DNAH12: variants seen among roughly 807,000 people sequenced by gnomAD.
DNAH12 encodes dynein axonemal heavy chain 12.
Under a neutral mutation model 371.5 loss-of-function variants are expected in DNAH12, and 285 were observed. The ratio of observed to expected loss-of-function variants is 0.77; its 90% CI spans 0.70 to 0.85. DNAH12 has a LOEUF of 0.85. Ranked by LOEUF, DNAH12 falls within the 40% of genes least tolerant of loss-of-function variation. The pLI is 0.00. For missense variants in DNAH12, 3,611 were observed against 3,689.4 expected (o/e 0.98, Z 0.55); for synonymous variants, 1,200 against 1,213.0 (o/e 0.99, Z 0.22).
upstream of DNAH12, among the ~76,000 whole-genome samples, chr3:57,545,413 C>T (rs1328349111): frequency 1.3e-5 from 2 of 151,866 alleles, no homozygotes; most frequent in Non-Finnish European, 2.9e-5. Context: ...CCCACCTCGG[C>T]CTCCCAAAAT....
At chr3:57,550,642 A>C in the DNAH12 span, among the ~76,000 whole-genome samples, 1 of 151,890 alleles carries the variant, frequency 6.6e-6, no homozygotes, top group Non-Finnish European at 1.5e-5. Flanking sequence ...CTTCCCAAGC[A>C]GCTGGGACTA....
At chr3:57,489,397 A>C (rs1331567710) in intron 12 of DNAH12, 112 bp downstream of exon 12, 2 of 1,159,072 alleles carry the variant, frequency 1.7e-6, no homozygotes, top group African/African-American at 3.3e-5. Context: ...GCTATGGAGA[A>C]AAAGTTGTAC....
At position 57,461,512 on chromosome 3, in the gene DNAH12, T is replaced by G. The variant is rs1399538952; in HGVS notation, c.2713A>C (p.Lys905Gln). 5 of 1,551,242 alleles carry G rather than the reference T, an allele frequency of 3.2e-6. No homozygotes were observed. Among genetic ancestry groups the G allele is most frequent in the Non-Finnish European group, 3.5e-6 (4 of 1,146,830 alleles). The change falls in exon 19 of 74, where the codon AAA becomes CAA. Residue 905 changes from lysine to glutamine, a missense_variant. Coordinates refer to ENST00000495027, the MANE Select transcript of DNAH12 (RefSeq NM_001366028.2). ...TQTMRGSPFIKPFEHEIKAWE... is the reference protein window; with the variant it reads ...TQTMRGSPFIQPFEHEIKAWE... Reference sequence around the variant, plus strand: ...ACCTTGATCTCATGTTCAAATGGTTTGATGAAAGGTGAGCCTCTCATTGTC... The same window carrying G: ...ACCTTGATCTCATGTTCAAATGGTTGGATGAAAGGTGAGCCTCTCATTGTC...
At position 57,507,649 on chromosome 3, in the gene DNAH12, T is replaced by C; in HGVS notation, c.891A>G (p.Ser297=). The C allele has an allele frequency of 6.3e-7, 1 of 1,594,880 alleles. No homozygotes were observed. The highest frequency in any genetic ancestry group is 1.4e-5 in the African/African-American group (1 of 73,782). The change falls in exon 8 of 74, where the codon TCA becomes TCG. Residue 297 remains serine, a synonymous_variant. Coordinates refer to ENST00000495027, the MANE Select transcript of DNAH12 (RefSeq NM_001366028.2). ...AFYSCVSTLM[S]NQLKDLLRRT... is the part of the protein sequence containing the mutation. Reference sequence around the variant, plus strand: ...ATATATAAAGTGTATGTACCTGATTTGACATAAGTGTGGAAACACAGCTAT... The same window carrying C: ...ATATATAAAGTGTATGTACCTGATTCGACATAAGTGTGGAAACACAGCTAT...
intron 36 of DNAH12, among the ~76,000 whole-genome samples, chr3:57,421,233 T>A (rs1374820438): frequency 6.6e-6 from 1 of 152,326 alleles, no homozygotes; most frequent in Middle Eastern, 3.4e-3. Flanking sequence ...ATAAAATTTG[T>A]ATGAATCAAA....
chr3:57,404,046 C>T (rs2063950652), intron 42 of DNAH12, among the ~76,000 whole-genome samples: 2 of 152,208 alleles, frequency 1.3e-5, no homozygotes, highest in South Asian at 2.1e-4. Flanking sequence ...GATGTTTTGG[C>T]AAAATTTAGT....
intron 45 of DNAH12, among the ~76,000 whole-genome samples, chr3:57,389,601 TGA>T (rs2063567159): frequency 6.6e-6 from 1 of 151,734 alleles, no homozygotes; most frequent in Admixed American, 6.6e-5. Context: ...GCAACAAGAT[TGA>T]GAGACAAAAA....
intron 39 of DNAH12, among the ~76,000 whole-genome samples, chr3:57,413,094 G>A (rs533084339): frequency 9.9e-5 from 15 of 152,266 alleles, no homozygotes; most frequent in South Asian, 4.1e-4. Flanking sequence ...ACAACTGAAT[G>A]TTACTCAGTG....
intron 2 of DNAH12, among the ~76,000 whole-genome samples, chr3:57,533,658 C>T (rs1477905332): frequency 6.6e-6 from 1 of 152,214 alleles, no homozygotes; most frequent in African/African-American, 2.4e-5. Flanking sequence ...GAAGCTAGGG[C>T]CCAGAATGGG....
At chr3:57,442,302 T>C (rs527769181) in intron 29 of DNAH12, among the ~76,000 whole-genome samples, 1 of 151,380 alleles carries the variant, frequency 6.6e-6, no homozygotes, top group South Asian at 2.1e-4. Flanking sequence ...TCAAATACAA[T>C]ACTTAAAGCA....
At chr3:57,554,565 T>C in the DNAH12 span, among the ~76,000 whole-genome samples, 2 of 152,156 alleles carry the variant, frequency 1.3e-5, no homozygotes, top group South Asian at 2.1e-4. Context: ...CTCATCACAC[T>C]GGACCTCTTT....
intron 17 of DNAH12, among the ~76,000 whole-genome samples, chr3:57,464,862 C>A (rs1431206572): frequency 6.6e-6 from 1 of 152,158 alleles, no homozygotes; most frequent in African/African-American, 2.4e-5. Context: ...GCGACAAAAT[C>A]AATGACTTAG....
chr3:57,302,567 A>ATATATATATATATATTTTTTT (rs2061380979), intron 69 of DNAH12, among the ~76,000 whole-genome samples: 2 of 27,484 alleles, frequency 7.3e-5, no homozygotes, highest in African/African-American at 1.3e-4. Context: ...ATATATATGT[A>ATATATATATATATATTTTTTT]TTTTTTTTTT....
chr3:57,412,497 A>G (rs144514339), intron 39 of DNAH12, among the ~76,000 whole-genome samples: 178 of 152,300 alleles, frequency 1.2e-3, no homozygotes, highest in African/African-American at 4.0e-3. Context: ...CAAGAGAATG[A>G]GAAGACAGGC....
intron 34 of DNAH12, chr3:57,428,422 A>T: frequency 6.6e-7 from 1 of 1,514,706 alleles, no homozygotes; most frequent in Non-Finnish European, 8.9e-7. Context: ...AATTTTAGAC[A>T]CTATGGTTGT....
At position 57,314,579 on chromosome 3, in the gene DNAH12, T is replaced by A. The variant is rs1332733418; in HGVS notation, c.10577A>T (p.Glu3526Val). The A allele has an allele frequency of 6.4e-7, 1 of 1,551,356 alleles. No homozygotes were observed. Among genetic ancestry groups the A allele is most frequent in the South Asian group, 1.2e-5 (1 of 83,938 alleles). Residue 3526 changes from glutamate (E) to valine (V), a missense_variant, in exon 66 of 74, where the codon GAG (glutamate) becomes GTG (valine). Coordinates refer to ENST00000495027, the MANE Select transcript of DNAH12 (RefSeq NM_001366028.2). The part of the protein sequence containing the change: ...GVCFFHALVQ[E>V]RKKFGPLGWN... The stretch of plus-strand genomic sequence containing the variant: ...ACCAAGAGGACCAAATTTCTTTCTC[T>A]CTTGCACAAGGGCATGAAAAAAACA...
chr3:57,411,526 CAAAAAAAAA>C (rs57344840), intron 39 of DNAH12, among the ~76,000 whole-genome samples: 16 of 39,158 alleles, frequency 4.1e-4, no homozygotes, highest in Non-Finnish European at 7.6e-4. Flanking sequence ...GACACTGTCT[CAAAAAAAAA>C]AAAAAAAAAA....
Position 57,414,579 on chromosome 3 carries a change from C to T in DNAH12, c.5854-667G>A, listed in dbSNP as rs181797626. 1.8e-3 allele frequency among the ~76,000 whole-genome samples: 276 copies of T among 152,224 alleles called. 1 individual carries two copies. The highest frequency in any genetic ancestry group is 6.6e-3 in the Admixed American group (101 of 15,278). ...AAGGAGGCCCTGATTTCTGTTGTTC[C>T]CTTCTTTGTGTCCATCCGTACTCAA... is the stretch of plus-strand genomic sequence containing the variant. On this transcript the variant is annotated intron_variant, in intron 38 of 73. Coordinates refer to ENST00000495027, the MANE Select transcript of DNAH12 (RefSeq NM_001366028.2).
chr3:57,421,587 C>T lies in DNAH12; in HGVS notation c.5493G>A (p.Val1831=). 2 of 1,551,624 alleles carry T rather than the reference C, an allele frequency of 1.3e-6. No individual in the cohort carries two copies. Among genetic ancestry groups the T allele is most frequent in the Non-Finnish European group, 1.7e-6 (2 of 1,146,974 alleles). The change falls in exon 36 of 74, where the codon GTG becomes GTA. Residue 1831 remains valine, a synonymous_variant. Coordinates refer to ENST00000495027, the MANE Select transcript of DNAH12 (RefSeq NM_001366028.2). The stretch of plus-strand genomic sequence containing the variant: ...ATTCCCATTTACCCACAGAATCTGG[C>T]ACTGGGTTTTCATCATCTTTTCCCA... ...IILGKDDENP[V]PDSVGKWECP...
Sources: allele counts gnomAD v4.1 joint callset (sites outside exome capture counted in the v4.1 genomes callset), GRCh38; gene constraint gnomAD v4.1.1; transcripts MANE v1.5; gene names NCBI Gene and HGNC (gene_info 2026-07-23, HGNC 2026-07-21).